Variants in MYO1D observed in about 807,000 individuals in gnomAD.
MYO1D encodes the protein myosin ID, also known as unconventional myosin-Id.
Under a neutral mutation model 122.0 loss-of-function variants are expected in MYO1D, and 83 were observed. The ratio of observed to expected loss-of-function variants is 0.68; its 90% CI spans 0.57 to 0.82. The LOEUF (loss-of-function observed/expected upper bound fraction) is 0.82, where lower values mean the gene tolerates loss of function less well. Among genes scored for constraint, MYO1D ranks in the 40% least tolerant of loss-of-function variants. MYO1D has a pLI of 0.00. For missense variants in MYO1D, 1,157 were observed against 1,269.5 expected (o/e 0.91, Z 1.35); for synonymous variants, 464 against 446.9 (o/e 1.04, Z -0.48).
At chr17:32,719,666 C>T (rs2089487901) in intron 15 of MYO1D, among the ~76,000 whole-genome samples, 1 of 152,122 alleles carries the variant, frequency 6.6e-6, no homozygotes, top group Non-Finnish European at 1.5e-5. Flanking sequence ...TCCTTGCCTT[C>T]TATTCACACA....
At chr17:32,519,531 C>G (rs1242582085) in intron 21 of MYO1D, among the ~76,000 whole-genome samples, 5 of 151,886 alleles carry the variant, frequency 3.3e-5, no homozygotes, top group African/African-American at 1.2e-4. Context: ...AAGGCAACGC[C>G]GGCCCCAGCG....
At chr17:32,525,648 G>C (rs1469244758) in intron 21 of MYO1D, among the ~76,000 whole-genome samples, 1 of 152,036 alleles carries the variant, frequency 6.6e-6, no homozygotes, top group Non-Finnish European at 1.5e-5. Flanking sequence ...CAACTTTCAG[G>C]ACCCAACTCT....
At chr17:32,551,095 A>G (rs2087011496) in intron 21 of MYO1D, among the ~76,000 whole-genome samples, 1 of 152,242 alleles carries the variant, frequency 6.6e-6, no homozygotes, top group Non-Finnish European at 1.5e-5. Flanking sequence ...ATAGTTTCTG[A>G]CACTGAAAGT....
intron 21 of MYO1D, chr17:32,498,541 T>G (rs1465153941): frequency 1.3e-5 from 2 of 152,142 alleles, no homozygotes; most frequent in Non-Finnish European, 2.9e-5. Flanking sequence ...GTGTCGGCAC[T>G]GGAAACATGA....
intron 15 of MYO1D, among the ~76,000 whole-genome samples, chr17:32,719,419 G>C (rs2089484171): frequency 6.9e-6 from 1 of 144,216 alleles, no homozygotes; most frequent in East Asian, 2.1e-4. Flanking sequence ...GCATGATCTT[G>C]GCTCACTGCA....
chr17:32,772,665 C>A, intron 5 of MYO1D, 124 bp downstream of exon 5: 2 of 784,768 alleles, frequency 2.5e-6, no homozygotes, highest in South Asian at 1.5e-5. Context: ...TGCGTGCATG[C>A]GTGACATGTT....
intron 14 of MYO1D, among the ~76,000 whole-genome samples, chr17:32,738,019 A>G (rs921022726): frequency 6.6e-6 from 1 of 152,234 alleles, no homozygotes; most frequent in South Asian, 2.1e-4. Flanking sequence ...TGACCATGAC[A>G]GTAGAATAAA....
intron 19 of MYO1D, among the ~76,000 whole-genome samples, chr17:32,641,385 A>G (rs888110776): frequency 8.6e-5 from 13 of 151,936 alleles, no homozygotes; most frequent in Admixed American, 1.3e-4. Context: ...GAATAGTGCC[A>G]CAATAAACAT....
chr17:32,823,192 A>G (rs570440327), intron 1 of MYO1D, among the ~76,000 whole-genome samples: 1 of 152,200 alleles, frequency 6.6e-6, no homozygotes, highest in South Asian at 2.1e-4. Flanking sequence ...CTTTCTGTCT[A>G]GAATGCTGAT....
At chr17:32,664,082 G>A (rs1479692952) in intron 16 of MYO1D, among the ~76,000 whole-genome samples, 1 of 152,174 alleles carries the variant, frequency 6.6e-6, no homozygotes, top group African/African-American at 2.4e-5. Flanking sequence ...CCAACTTTAT[G>A]AGAAGTCCCT....
At chr17:32,869,173 C>T (rs1005099284) in intron 1 of MYO1D, among the ~76,000 whole-genome samples, 2 of 151,722 alleles carry the variant, frequency 1.3e-5, no homozygotes, top group East Asian at 1.9e-4. Context: ...GAGCCAAGAT[C>T]GCACTACCGC....
chr17:32,548,652 A>T (rs225200), intron 21 of MYO1D, among the ~76,000 whole-genome samples: 2 of 151,518 alleles, frequency 1.3e-5, no homozygotes, highest in Non-Finnish European at 2.9e-5. Flanking sequence ...ATGGGACACC[A>T]ATGAGGGGAG....
At chr17:32,510,358 C>T (rs910176151) in intron 21 of MYO1D, 2 of 152,322 alleles carry the variant, frequency 1.3e-5, no homozygotes, top group African/African-American at 4.8e-5. Context: ...GACCCCCTCC[C>T]TGCACAGGCA....
At chr17:32,868,906 TTGTTC>T (rs1567679165) in intron 1 of MYO1D, among the ~76,000 whole-genome samples, 1 of 152,142 alleles carries the variant, frequency 6.6e-6, no homozygotes, top group African/African-American at 2.4e-5. Flanking sequence ...TTGGAAAACA[TTGTTC>T]TATTCAAGAG....
intron 1 of MYO1D, among the ~76,000 whole-genome samples, chr17:32,818,466 G>T (rs2090632988): frequency 6.6e-6 from 1 of 152,172 alleles, no homozygotes; most frequent in Non-Finnish European, 1.5e-5. Flanking sequence ...GATGCTCGAT[G>T]GACACATTCA....
intron 1 of MYO1D, among the ~76,000 whole-genome samples, chr17:32,828,515 CAAAAAAAAAAA>C (rs137921871): frequency 3.2e-3 from 230 of 71,830 alleles, no homozygotes; most frequent in African/African-American, 5.2e-3. Context: ...GACTCCGTCT[CAAAAAAAAAAA>C]AAAAAAAAAA....
At chr17:32,511,232 T>C (rs188818365) in intron 21 of MYO1D, among the ~76,000 whole-genome samples, 2 of 152,092 alleles carry the variant, frequency 1.3e-5, no homozygotes, top group East Asian at 3.8e-4. Context: ...CTCTGTTTTT[T>C]TTTTTGGAAA....
At chr17:32,876,680 T>G in intron 1 of MYO1D, 98 bp downstream of exon 1, 6 of 989,536 alleles carry the variant, frequency 6.1e-6, no homozygotes, top group Middle Eastern at 4.9e-4. Context: ...CCCTGGAGCT[T>G]GGGCGCTCCC....
Position 32,765,051 on chromosome 17 carries a change from T to C in MYO1D, c.862A>G (p.Thr288Ala). The change falls in exon 8 of 22, where the codon ACG becomes GCG. Residue 288 changes from threonine to alanine, a missense_variant. Coordinates refer to ENST00000318217, the MANE Select transcript of MYO1D (RefSeq NM_015194.3). Reference protein sequence around the residue: ...GNLKFVVDGDTPLIENGKVVS... With the variant: ...GNLKFVVDGDAPLIENGKVVS... ...ACTTTGCCATTCTCAATAAGAGGCGTGTCACCATCTACTACAAATTTTAAA... is the reference window on the plus strand; with the variant it reads ...ACTTTGCCATTCTCAATAAGAGGCGCGTCACCATCTACTACAAATTTTAAA... The C allele has an allele frequency of 6.2e-7, 1 of 1,613,644 alleles. No homozygotes were observed. The highest frequency in any genetic ancestry group is 8.5e-7 in the Non-Finnish European group (1 of 1,179,730).
Sources: gnomAD v4.1 joint callset for allele counts (sites outside exome capture counted in the v4.1 genomes callset) on GRCh38, gnomAD v4.1.1 for gene constraint, MANE v1.5 for transcripts, NCBI Gene and HGNC (gene_info 2026-07-23, HGNC 2026-07-21) for gene names.